The following SLIT1 variants were observed in gnomAD, a reference collection of about 807,000 sequenced individuals.
SLIT1 encodes slit homolog 1 protein.
A neutral mutation model predicts 186.1 loss-of-function variants in SLIT1; 66 were observed. That is an observed-to-expected ratio of 0.35 (90% confidence interval 0.29 to 0.44). SLIT1 has a LOEUF of 0.44. SLIT1 is among the 20% of genes least tolerant of loss of function. The pLI, the probability that SLIT1 is intolerant of heterozygous loss-of-function variation, is 1.00. For synonymous variants in SLIT1, 761 were observed against 833.8 expected (o/e 0.91, Z 1.50); for missense variants, 1,638 against 2,037.4 (o/e 0.80, Z 3.77).
chr10:97,107,326 G>A (rs1223195930), intron 4 of SLIT1, among the ~76,000 whole-genome samples: 1 of 152,130 alleles, frequency 6.6e-6, no homozygotes, highest in Non-Finnish European at 1.5e-5. Context: ...TGCTTAGTTT[G>A]TAAAGACTCA....
chr10:97,149,853 C>T (rs368903146), intron 4 of SLIT1, among the ~76,000 whole-genome samples: 2 of 152,292 alleles, frequency 1.3e-5, no homozygotes, highest in South Asian at 2.1e-4. Context: ...TTTTGAGGTT[C>T]ACAGTCAGAT....
At chr10:97,066,226 A>G in intron 4 of SLIT1, 140 bp from the exon 5 acceptor site, 1 of 680,576 alleles carries the variant, frequency 1.5e-6, no homozygotes, top group South Asian at 1.6e-5. Context: ...CACCTAGGAC[A>G]GTGCCTGGCC....
intron 25 of SLIT1, among the ~76,000 whole-genome samples, chr10:97,030,426 T>C (rs1848580850): frequency 6.6e-6 from 1 of 152,186 alleles, no homozygotes; most frequent in Non-Finnish European, 1.5e-5. Flanking sequence ...TCTCCATCCA[T>C]TTCCCGGTGT....
intron 4 of SLIT1, among the ~76,000 whole-genome samples, chr10:97,150,010 C>T (rs1190832585): frequency 6.6e-6 from 1 of 152,130 alleles, no homozygotes; most frequent in African/African-American, 2.4e-5. Flanking sequence ...CTCCTTTTTA[C>T]CATTAATGCC....
chr10:97,082,831 G>C (rs1466325399), intron 4 of SLIT1, among the ~76,000 whole-genome samples: 2 of 152,200 alleles, frequency 1.3e-5, no homozygotes, highest in African/African-American at 4.8e-5. Flanking sequence ...AGGGGGCAGG[G>C]AGTAAATGAA....
intron 4 of SLIT1, among the ~76,000 whole-genome samples, chr10:97,107,949 G>A (rs568715569): frequency 1.3e-5 from 2 of 152,222 alleles, no homozygotes; most frequent in Non-Finnish European, 2.9e-5. Flanking sequence ...CAGCAGTGCT[G>A]CACAAAGAGA....
rs75116601 is a variant in SLIT1, at chr10:97,068,758, T to C, written c.414-2672A>G. On this transcript the variant is annotated intron_variant, in intron 4 of 36. Coordinates refer to ENST00000266058, the MANE Select transcript of SLIT1 (RefSeq NM_003061.3). The surrounding 1 kb of genome is among the most constrained non-coding windows in gnomAD (Gnocchi z 4.2). ...TCTTCGATCTTGGTTACTTGTGCCATATCGCCAGCTCCCCAGTGTAGTCTG... is the reference window on the plus strand; with the variant it reads ...TCTTCGATCTTGGTTACTTGTGCCACATCGCCAGCTCCCCAGTGTAGTCTG... Among the ~76,000 whole-genome samples, 15 of 152,310 alleles carry C rather than the reference T, an allele frequency of 9.8e-5. No homozygotes were observed. In the East Asian group the frequency reaches 2.9e-3, roughly 29 times the overall value.
chr10:97,147,435 G>A (rs760333793), intron 4 of SLIT1, among the ~76,000 whole-genome samples: 1 of 152,170 alleles, frequency 6.6e-6, no homozygotes, highest in Non-Finnish European at 1.5e-5. Flanking sequence ...TATGTATATT[G>A]TACCATGATT....
chr10:97,029,466 A>C (rs61034487), intron 25 of SLIT1, among the ~76,000 whole-genome samples: 1 of 152,098 alleles, frequency 6.6e-6, no homozygotes, highest in Non-Finnish European at 1.5e-5. Flanking sequence ...GGTGCCAGGC[A>C]GAGTCCACGT....
chr10:97,148,781 T>C (rs1849844085), intron 4 of SLIT1, among the ~76,000 whole-genome samples: 1 of 152,238 alleles, frequency 6.6e-6, no homozygotes, highest in Non-Finnish European at 1.5e-5. Context: ...ATGTTTTAAT[T>C]GACAAATAAT....
chr10:97,036,649 A>G (rs945575250), intron 22 of SLIT1, among the ~76,000 whole-genome samples: 1 of 152,156 alleles, frequency 6.6e-6, no homozygotes, highest in South Asian at 2.1e-4. Flanking sequence ...CCCATTACAA[A>G]CAGTTCTGGG....
intron 28 of SLIT1, among the ~76,000 whole-genome samples, chr10:97,015,201 G>T (rs1002772929): frequency 6.6e-6 from 1 of 152,214 alleles, no homozygotes; most frequent in African/African-American, 2.4e-5. Context: ...AGCCCTTACA[G>T]ACTGGGGGGT....
intron 15 of SLIT1, 60 bp from the exon 16 acceptor site, chr10:97,047,894 G>C: frequency 1.2e-6 from 2 of 1,613,490 alleles, no homozygotes; most frequent in Non-Finnish European, 1.7e-6. Context: ...CAGCAGTTTG[G>C]GTCAACCAAG....
chr10:97,026,680 A>C (rs1246992224), intron 25 of SLIT1, among the ~76,000 whole-genome samples: 1 of 152,198 alleles, frequency 6.6e-6, no homozygotes, highest in African/African-American at 2.4e-5. Flanking sequence ...ATGAAGACAG[A>C]CATTGGGGAA....
chr10:97,185,043 G>C (rs986407163), intron 1 of SLIT1, among the ~76,000 whole-genome samples: 2 of 152,264 alleles, frequency 1.3e-5, no homozygotes, highest in African/African-American at 4.8e-5. Context: ...CTCTGGGAGC[G>C]GGAATCTGCG....
chr10:97,021,557 G>C lies in SLIT1; in HGVS notation c.2583-144C>G. ...GAGCATTTACTGTATAGTCAGTGCT[G>C]CTTTTTTTTTTTTTTCTTTTTTTGA... On this transcript the variant is annotated intron_variant, in intron 25 of 36. Transcript: ENST00000266058. This position sits in a 1 kb window ranked among gnomAD's most constrained non-coding sequence, Gnocchi z 4.5. 1 of 602,312 alleles carries C rather than the reference G, an allele frequency of 1.7e-6. No homozygotes were observed. Among genetic ancestry groups the C allele is most frequent in the Admixed American group, 3.6e-5 (1 of 27,422 alleles). 37.3% of individuals were successfully genotyped at this position (602,312 alleles called of 1,614,324 possible). A position where few individuals can be genotyped will look rare whatever the true frequency, so the allele number is the denominator to read the frequency against.
chr10:97,162,988 G>A (rs1025222245), intron 3 of SLIT1, among the ~76,000 whole-genome samples: 25 of 152,320 alleles, frequency 1.6e-4, no homozygotes, highest in Admixed American at 1.2e-3. Flanking sequence ...CCAATCCCCC[G>A]GGGCTTCCCT....
rs570527947 is a variant in SLIT1 at position 97,103,950 on chromosome 10, C to G, written c.414-37864G>C. ...GGGAGTGCAGACTGCAGAACAGTCA[C>G]TCATGCAGTAACTACCTGCTGAGCA... On this transcript the variant is annotated intron_variant, in intron 4 of 36. Coordinates refer to ENST00000266058, the MANE Select transcript of SLIT1 (RefSeq NM_003061.3). Among the ~76,000 whole-genome samples the G allele has an allele frequency of 4.2e-4, 64 of 152,286 alleles. 1 individual carries two copies. The highest frequency in any genetic ancestry group is 1.5e-3 in the African/African-American group (63 of 41,554).
rs1192948179 is a variant in SLIT1, at chr10:97,003,125, A to G, written c.3866-133T>C. 3 of 836,592 alleles carry G rather than the reference A, an allele frequency of 3.6e-6. No homozygotes were observed. The African/African-American group carries it at 5.1e-5, about 14-fold the overall frequency. 51.8% of individuals were successfully genotyped at this position (836,592 alleles called of 1,614,324 possible). ...TCTGTCCTTCATCTCTGCAACCCTG[A>G]TCCAAGGTCCTTTGCCACCTTGGAG... On this transcript the variant is annotated intron_variant, in intron 34 of 36. Coordinates refer to ENST00000266058, the MANE Select transcript of SLIT1 (RefSeq NM_003061.3).
Sources: allele counts gnomAD v4.1 joint callset (sites outside exome capture counted in the v4.1 genomes callset), GRCh38; gene constraint gnomAD v4.1.1; non-coding constraint Gnocchi (gnomAD v3.1); transcripts MANE v1.5; gene names NCBI Gene and HGNC (gene_info 2026-07-23, HGNC 2026-07-21).